Variants in CRTC1 observed in about 807,000 individuals in gnomAD.
The protein encoded by CRTC1 is CREB regulated transcription coactivator 1.
Under a neutral mutation model 66.1 loss-of-function variants are expected in CRTC1, and 18 were observed. The ratio of observed to expected loss-of-function variants is 0.27; its 90% CI spans 0.19 to 0.40. CRTC1 has a LOEUF of 0.40. Among genes scored for constraint, CRTC1 ranks in the 10% least tolerant of loss-of-function variants. CRTC1 has a pLI of 1.00. For missense variants in CRTC1, 669 were observed against 887.9 expected, an observed-to-expected ratio of 0.75 and a Z score of 3.13; for synonymous variants, 416 against 398.8, an observed-to-expected ratio of 1.04 and a Z score of -0.51.
chr19:18,685,587 G>T (rs1182021843), intron 1 of CRTC1, among the ~76,000 whole-genome samples: 1 of 152,172 alleles, frequency 6.6e-6, no homozygotes, highest in African/African-American at 2.4e-5. Context: ...AACCTGGGAG[G>T]TGGAGGTTGC....
At chr19:18,728,618 G>T (rs900383010) in intron 1 of CRTC1, among the ~76,000 whole-genome samples, 14 of 151,300 alleles carry the variant, frequency 9.3e-5, no homozygotes, top group Non-Finnish European at 2.1e-4. Context: ...TGACTCTCCC[G>T]CCTCAGCCTC....
At chr19:18,693,108 C>T (rs1022882703) in intron 1 of CRTC1, among the ~76,000 whole-genome samples, 67 of 135,950 alleles carry the variant, frequency 4.9e-4, no homozygotes, top group Non-Finnish European at 8.5e-4. Context: ...ATTCATTTTT[C>T]GGCCGGGTAT....
At chr19:18,699,986 G>T (rs947632862) in intron 1 of CRTC1, among the ~76,000 whole-genome samples, 1 of 152,120 alleles carries the variant, frequency 6.6e-6, no homozygotes, top group African/African-American at 2.4e-5. Context: ...GACAGACTGA[G>T]CCTCATCTCG....
chr19:18,774,905 T>G lies in CRTC1; in HGVS notation c.1431T>G (p.Thr477=), dbSNP rs1171433674. Residue 477 remains threonine, a synonymous_variant, in exon 12 of 14, where the codon ACT becomes ACG. Transcript: ENST00000321949. The part of the protein sequence containing the change: ...GFSPGSSPQH[T]STLGSVFGDA... ...GGCCTCTCTTCTGTCTGCAGCACAC[T>G]TCCACCCTGGGCAGCGTGTTTGGGG... The G allele has an allele frequency of 1.2e-6, 2 of 1,610,792 alleles. No individual in the cohort carries two copies. Among genetic ancestry groups the G allele is most frequent in the East Asian group, 4.5e-5 (2 of 44,890 alleles).
At position 18,727,580 on chromosome 19, in the gene CRTC1, C is replaced by CAAAAAAAAAAAAAAA. The variant is rs60907638; in HGVS notation, c.127-15327_127-15313dup. Among the ~76,000 whole-genome samples the CAAAAAAAAAAAAAAA allele has an allele frequency of 1.6e-3, 84 of 51,706 alleles. 3 individuals are homozygous for CAAAAAAAAAAAAAAA. The highest frequency in any genetic ancestry group is 2.0e-3 in the African/African-American group (24 of 12,088). The allele number at this position is 51,706 out of a possible 152,430, so 33.9% of individuals were successfully genotyped here. On this transcript the variant is annotated intron_variant, in intron 1 of 13. Coordinates refer to ENST00000321949, the MANE Select transcript of CRTC1 (RefSeq NM_015321.3). The stretch of plus-strand genomic sequence containing the variant: ...TGGGTGACAGAGCAAGACTCTGTCT[C>CAAAAAAAAAAAAAAA]AAAAAAAAAAAAAAAAAGAAGAAGA...
intron 6 of CRTC1, among the ~76,000 whole-genome samples, chr19:18,759,044 T>G (rs1012042021): frequency 1.3e-5 from 2 of 152,042 alleles, no homozygotes; most frequent in African/African-American, 4.8e-5. Context: ...TACACAAAAT[T>G]TAAAAAGCAG....
chr19:18,717,244 T>C (rs1040144838), intron 1 of CRTC1, among the ~76,000 whole-genome samples: 1 of 151,980 alleles, frequency 6.6e-6, no homozygotes, highest in African/African-American at 2.4e-5. Context: ...GCTGCTGGGC[T>C]TGGGAGTGGA....
Position 18,760,280 on chromosome 19 carries a change from C to T in CRTC1, c.886+52C>T, listed in dbSNP as rs747492094. On this transcript the variant is annotated intron_variant, in intron 8 of 13. Coordinates refer to ENST00000321949, the MANE Select transcript of CRTC1 (RefSeq NM_015321.3). The surrounding 1 kb of genome is among the most constrained non-coding windows in gnomAD (Gnocchi z 6.2). ...ACAGAGCACTGGCTTGTGGAGACAA[C>T]ACGGGCATCTGCAGGATGACTTGGC... The T allele has an allele frequency of 5.8e-6, 8 of 1,388,924 alleles. No individual in the cohort carries two copies. The East Asian group carries it at 2.0e-4, about 35-fold the overall frequency. 86.0% of individuals were successfully genotyped at this position (1,388,924 alleles called of 1,614,324 possible).
chr19:18,767,177 A>T (rs1488042835), intron 9 of CRTC1, among the ~76,000 whole-genome samples: 1 of 152,018 alleles, frequency 6.6e-6, no homozygotes, highest in Non-Finnish European at 1.5e-5. Context: ...GACATTTTTA[A>T]AATTTTTTTA....
chr19:18,736,261 C>T (rs1204915439), intron 1 of CRTC1, among the ~76,000 whole-genome samples: 1 of 152,214 alleles, frequency 6.6e-6, no homozygotes, highest in Non-Finnish European at 1.5e-5. Context: ...TCAGCCTTCC[C>T]AGAACTCCAT....
At chr19:18,731,009 G>T (rs2053876061) in intron 1 of CRTC1, among the ~76,000 whole-genome samples, 1 of 151,682 alleles carries the variant, frequency 6.6e-6, no homozygotes, top group South Asian at 2.1e-4. Context: ...ACAGTGTCTC[G>T]CTGTCACCCA....
At chr19:18,767,354 A>G (rs1207410363) in intron 9 of CRTC1, among the ~76,000 whole-genome samples, 2 of 151,988 alleles carry the variant, frequency 1.3e-5, no homozygotes, top group Admixed American at 1.3e-4. Context: ...TGTGCCTACC[A>G]TGCCCAGCTG....
intron 1 of CRTC1, among the ~76,000 whole-genome samples, chr19:18,720,639 A>T (rs975184653): frequency 5.4e-5 from 8 of 149,130 alleles, no homozygotes; most frequent in African/African-American, 2.0e-4. Flanking sequence ...GTGCTGGGAT[A>T]ACAGGCGTGA....
At chr19:18,744,756 T>A (rs1345973417) in intron 2 of CRTC1, among the ~76,000 whole-genome samples, 1 of 152,116 alleles carries the variant, frequency 6.6e-6, no homozygotes, top group African/African-American at 2.4e-5. Context: ...CACAGCCTTT[T>A]GGGGGCAAGA....
At chr19:18,720,864 C>T (rs2053611160) in intron 1 of CRTC1, among the ~76,000 whole-genome samples, 3 of 50,436 alleles carry the variant, frequency 5.9e-5, no homozygotes, top group Admixed American at 3.6e-4. Flanking sequence ...ATGCATGGGG[C>T]CCTCTCTGCC....
chr19:18,752,985 G>A (rs1310196543), intron 5 of CRTC1, among the ~76,000 whole-genome samples: 4 of 151,812 alleles, frequency 2.6e-5, no homozygotes, highest in Admixed American at 2.6e-4. Context: ...AAGCTGATAG[G>A]CGGGGCACGG....
rs1327604370 is a variant in CRTC1 at position 18,747,085 on chromosome 19, C to G, written c.414C>G (p.Leu138=). 1 of 1,613,134 alleles carries G rather than the reference C, an allele frequency of 6.2e-7. No homozygotes were observed. The highest frequency in any genetic ancestry group is 2.2e-5 in the East Asian group (1 of 44,814). The change falls in exon 4 of 14, where the codon CTC becomes CTG. Residue 138 remains leucine (L), a synonymous_variant. Transcript: ENST00000321949. ...ADSCPYGTMY[L]SPPADTSWRR... ...GCTGCCCCTATGGCACCATGTACCT[C>G]TCACCACCCGCGGACACCAGCTGGA... is the stretch of plus-strand genomic sequence containing the variant.
intron 1 of CRTC1, among the ~76,000 whole-genome samples, chr19:18,732,105 G>A (rs2053903194): frequency 1.3e-5 from 2 of 152,292 alleles, no homozygotes; most frequent in South Asian, 4.1e-4. Context: ...CCAGGGGCAG[G>A]GCATGTTGGC....
At chr19:18,766,145 G>A (rs113747276) in intron 9 of CRTC1, among the ~76,000 whole-genome samples, 2,134 of 146,888 alleles carry the variant, frequency 0.015, 68 homozygotes, top group African/African-American at 0.051. Context: ...TTTTTAAGAC[G>A]AAGTTTTGCT....
Sources: allele counts gnomAD v4.1 joint callset (sites outside exome capture counted in the v4.1 genomes callset), GRCh38; gene constraint gnomAD v4.1.1; non-coding constraint Gnocchi (gnomAD v3.1); transcripts MANE v1.5; gene names NCBI Gene and HGNC (gene_info 2026-07-23, HGNC 2026-07-21).